NDST4: variants seen among roughly 807,000 people sequenced by gnomAD.
The protein encoded by NDST4 is N-heparan sulfate sulfotransferase 4.
Under a neutral mutation model 100.8 loss-of-function variants are expected in NDST4, and 63 were observed. That is an observed-to-expected ratio of 0.62 (90% CI 0.51 to 0.77). The LOEUF is 0.77. Among genes scored for constraint, NDST4 ranks in the 30% least tolerant of loss-of-function variants. NDST4 has a pLI of 0.00. For synonymous variants in NDST4, 377 were observed against 361.8 expected (o/e 1.04, Z -0.48); for missense variants, 943 against 1,018.4 (o/e 0.93, Z 1.01).
chr4:114,850,733 ATCT>A (rs2126188207), intron 8 of NDST4, among the ~76,000 whole-genome samples: 1 of 152,284 alleles, frequency 6.6e-6, no homozygotes, highest in South Asian at 2.1e-4. Context: ...GTGAACACTG[ATCT>A]TCTGAAAGAT....
At chr4:115,075,886 T>A (rs1226339420) in intron 2 of NDST4, among the ~76,000 whole-genome samples, 173 bp downstream of exon 2, 1 of 151,742 alleles carries the variant, frequency 6.6e-6, no homozygotes, top group Non-Finnish European at 1.5e-5. Flanking sequence ...GGTGTGTGTA[T>A]GTGTGTGTAA....
intron 8 of NDST4, among the ~76,000 whole-genome samples, chr4:114,851,154 T>C (rs768725992): frequency 2.0e-5 from 3 of 152,150 alleles, no homozygotes; most frequent in Non-Finnish European, 4.4e-5. Context: ...AAAGACAAGT[T>C]TGCATTTAAG....
At chr4:114,868,734 C>T (rs1247961968) in intron 7 of NDST4, among the ~76,000 whole-genome samples, 1 of 151,548 alleles carries the variant, frequency 6.6e-6, no homozygotes, top group African/African-American at 2.4e-5. Context: ...AGTAGGAAAA[C>T]ATTTACTCAT....
At chr4:115,015,999 A>G (rs1230399499) in intron 2 of NDST4, among the ~76,000 whole-genome samples, 4 of 152,036 alleles carry the variant, frequency 2.6e-5, no homozygotes, top group Non-Finnish European at 4.4e-5. Flanking sequence ...GACATTCTGG[A>G]TATGGATTTG....
intron 1 of NDST4, among the ~76,000 whole-genome samples, chr4:115,096,421 T>C (rs1359623095): frequency 6.6e-6 from 1 of 152,076 alleles, no homozygotes; most frequent in Non-Finnish European, 1.5e-5. Flanking sequence ...TCTTCAAACT[T>C]CTAACATTTC....
chr4:115,034,643 T>G (rs921497438), intron 2 of NDST4, among the ~76,000 whole-genome samples: 6 of 152,062 alleles, frequency 3.9e-5, no homozygotes, highest in African/African-American at 1.4e-4. Flanking sequence ...ATTTTGTTGA[T>G]GTGGAAGCCA....
In NDST4 at chr4:115,047,219, C is replaced by T. The variant is rs138873732; in HGVS notation, c.978+28840G>A. Among the ~76,000 whole-genome samples, 837 of 151,944 alleles carry T rather than the reference C, an allele frequency of 5.5e-3. 10 individuals are homozygous for T. Among genetic ancestry groups the T allele is most frequent in the African/African-American group, 0.019 (801 of 41,498 alleles). ...ATAAAATATTTAATATTTTTAAAAC[C>T]TATTAACAAAAATAAAAATGAGTTT... On this transcript the variant is annotated intron_variant, in intron 2 of 13. Coordinates refer to ENST00000264363, the MANE Select transcript of NDST4 (RefSeq NM_022569.3).
intron 6 of NDST4, among the ~76,000 whole-genome samples, chr4:114,899,841 T>C (rs1205980576): frequency 1.3e-5 from 2 of 152,194 alleles, no homozygotes; most frequent in African/African-American, 2.4e-5. Flanking sequence ...AGGAAAATGA[T>C]GGCCTTATTA....
chr4:114,867,664 G>GAAAAAAAAAAAAAAAAAAA (rs1491405935), intron 7 of NDST4, among the ~76,000 whole-genome samples: 1 of 26,080 alleles, frequency 3.8e-5, no homozygotes. Flanking sequence ...AAAAAAAAAA[G>GAAAAAAAAAAAAAAAAAAA]CAAAAAAAAA....
At chr4:114,973,610 T>A (rs1351928127) in intron 3 of NDST4, among the ~76,000 whole-genome samples, 2 of 151,968 alleles carry the variant, frequency 1.3e-5, no homozygotes, top group Non-Finnish European at 2.9e-5. Context: ...GAAGTTTGTT[T>A]CTTTACTATC....
At chr4:115,038,096 C>T (rs1334042515) in intron 2 of NDST4, among the ~76,000 whole-genome samples, 2 of 152,138 alleles carry the variant, frequency 1.3e-5, no homozygotes, top group East Asian at 1.9e-4. Context: ...TGACATATAA[C>T]ACCTGTTCAA....
chr4:115,090,240 C>G (rs1359991765), intron 1 of NDST4, among the ~76,000 whole-genome samples: 1 of 151,702 alleles, frequency 6.6e-6, no homozygotes, highest in East Asian at 1.9e-4. Flanking sequence ...TATAAAGGAC[C>G]TATAAAGTAC....
chr4:115,048,691 G>A (rs1711728817), intron 2 of NDST4, among the ~76,000 whole-genome samples: 1 of 151,970 alleles, frequency 6.6e-6, no homozygotes, highest in South Asian at 2.1e-4. Context: ...AGGATGGAGA[G>A]CAGGGGCATG....
chr4:114,924,451 TA>T (rs1405017745), intron 6 of NDST4, among the ~76,000 whole-genome samples: 2 of 143,452 alleles, frequency 1.4e-5, no homozygotes, highest in Admixed American at 1.4e-4. Context: ...AAAAAGAAGA[TA>T]AAGGAAAAAA....
rs117466203 is a variant in NDST4, at chr4:115,016,078, C to A, written c.979-38804G>T. ...ACTTTTAGAATGCCTTATTTATAGT[C>A]ATGTTAATCCATCAATTATTGCTTC... On this transcript the variant is annotated intron_variant, in intron 2 of 13. Coordinates refer to ENST00000264363, the MANE Select transcript of NDST4 (RefSeq NM_022569.3). Among the ~76,000 whole-genome samples the A allele has an allele frequency of 1.8e-3, 268 of 152,170 alleles. 11 individuals carry two copies. In the East Asian group the frequency reaches 0.046, roughly 26 times the overall value.
intron 2 of NDST4, among the ~76,000 whole-genome samples, chr4:115,041,368 A>T (rs1037965344): frequency 1.3e-5 from 2 of 152,096 alleles, no homozygotes; most frequent in African/African-American, 4.8e-5. Context: ...TACCTAAAAA[A>T]TACATCTTTT....
intron 8 of NDST4, 31 bp downstream of exon 8, chr4:114,852,694 G>T: frequency 8.3e-7 from 1 of 1,198,402 alleles, no homozygotes; most frequent in Non-Finnish European, 1.2e-6. Context: ...TTTTTAAAAA[G>T]GATATAAGTA....
intron 6 of NDST4, among the ~76,000 whole-genome samples, chr4:114,878,596 G>GGT (rs1479852321): frequency 6.6e-6 from 1 of 152,060 alleles, no homozygotes; most frequent in African/African-American, 2.4e-5. Context: ...GAATGCCTAC[G>GGT]CTTGAGCACT....
At chr4:114,858,200 C>T (rs1723839554) in intron 7 of NDST4, among the ~76,000 whole-genome samples, 2 of 152,134 alleles carry the variant, frequency 1.3e-5, no homozygotes, top group African/African-American at 2.4e-5. Context: ...CATTATCCTG[C>T]CACTTAGTGA....
Sources: gnomAD v4.1 joint callset for allele counts (sites outside exome capture counted in the v4.1 genomes callset) on GRCh38, gnomAD v4.1.1 for gene constraint, MANE v1.5 for transcripts, NCBI Gene and HGNC (gene_info 2026-07-23, HGNC 2026-07-21) for gene names.